The following KDELR2 variants were observed in gnomAD, a reference collection of about 807,000 sequenced individuals.
KDELR2 encodes the protein ER lumen protein-retaining receptor 2.
In KDELR2, 15 loss-of-function variants were observed where a neutral mutation model predicts 23.9. That is an observed-to-expected ratio of 0.63 (90% confidence interval 0.42 to 0.97). The LOEUF is 0.97. Ranked by LOEUF, KDELR2 falls within the 50% of genes least tolerant of loss-of-function variation. The probability of loss-of-function intolerance (pLI) is 0.00; values close to 1 mark genes in which losing one functional copy is unlikely to be tolerated. For synonymous variants in KDELR2, 119 were observed against 106.2 expected (o/e 1.12, Z -0.74); for missense variants, 272 against 254.6 (o/e 1.07, Z -0.46).
chr7:6,472,049 T>G, intron 2 of KDELR2, among the ~76,000 whole-genome samples: 1 of 152,144 alleles, frequency 6.6e-6, no homozygotes. Context: ...TACAGGCGCA[T>G]GCCGCCACAC....
chr7:6,472,012 T>C (rs1785656463), intron 2 of KDELR2, among the ~76,000 whole-genome samples: 1 of 152,114 alleles, frequency 6.6e-6, no homozygotes, highest in Non-Finnish European at 1.5e-5. Context: ...GCAATTCTCC[T>C]GCCTCAGCCT....
chr7:6,466,895 A>G (rs762667793), intron 3 of KDELR2, among the ~76,000 whole-genome samples: 5 of 152,108 alleles, frequency 3.3e-5, no homozygotes, highest in Non-Finnish European at 5.9e-5. Context: ...CTATAAATAC[A>G]ATGAAGCTTC....
chr7:6,466,299 G>C lies in KDELR2; in HGVS notation c.376C>G (p.Leu126Val), dbSNP rs1562498564. The change falls in exon 4 of 5, where the codon CTG (leucine) becomes GTG (valine). Residue 126 changes from leucine (L) to valine (V), a missense_variant. Transcript: ENST00000258739. The part of the protein sequence containing the change: ...LEILWTFSIY[L>V]ESVAILPQLF... ...TGCGGAAGGATAGCCACGGACTCCAGGTAGATGGAGAAGGTCCAGAGGATC... is the reference window on the plus strand; with the variant it reads ...TGCGGAAGGATAGCCACGGACTCCACGTAGATGGAGAAGGTCCAGAGGATC... The C allele has an allele frequency of 6.2e-7, 1 of 1,614,032 alleles. No homozygotes were observed. The highest frequency in any genetic ancestry group is 8.5e-7 in the Non-Finnish European group (1 of 1,180,020).
At position 6,461,140 on chromosome 7, in the gene KDELR2, G is replaced by A. The variant is rs1785379791; in HGVS notation, c.*2001C>T. Reference sequence around the variant, plus strand: ...GAAGTGAAAGTAACTGTGAAACAGTGCTTCATAAGGCGTGGCATACAAGGC... The same window carrying A: ...GAAGTGAAAGTAACTGTGAAACAGTACTTCATAAGGCGTGGCATACAAGGC... On this transcript the variant is annotated 3_prime_UTR_variant, in exon 5 of 5. Transcript: ENST00000258739. 1 of 152,178 alleles carries A rather than the reference G, an allele frequency of 6.6e-6. No homozygotes were observed. Among genetic ancestry groups the A allele is most frequent in the African/African-American group, 2.4e-5 (1 of 41,444 alleles). The allele number at this position is 152,178 out of a possible 1,614,324, so 9.4% of individuals were successfully genotyped here. A position where few individuals can be genotyped will look rare whatever the true frequency, so the allele number is the denominator to read the frequency against.
chr7:6,464,717 T>C (rs186095145), intron 4 of KDELR2, among the ~76,000 whole-genome samples: 1 of 145,546 alleles, frequency 6.9e-6, no homozygotes, highest in Non-Finnish European at 1.5e-5. Flanking sequence ...AGATAAGACA[T>C]ATATGCTCTT....
Position 6,477,710 on chromosome 7 carries a change from G to A in KDELR2, c.92-3426C>T, listed in dbSNP as rs186347567. On this transcript the variant is annotated intron_variant, in intron 1 of 4. Coordinates refer to ENST00000258739, the MANE Select transcript of KDELR2 (RefSeq NM_006854.4). The stretch of plus-strand genomic sequence containing the variant: ...GGGTCTCTCTCTGTAGCCCAGGCTG[G>A]AGTAGACTGGTGCAATCATAGCTTC... 3.4e-3 allele frequency among the ~76,000 whole-genome samples: 521 copies of A among 152,298 alleles called. 1 individual carries two copies. The highest frequency in any genetic ancestry group is 5.5e-3 in the Non-Finnish European group (371 of 68,020).
At chr7:6,483,229 G>C (rs1464971867) in intron 1 of KDELR2, among the ~76,000 whole-genome samples, 1 of 152,182 alleles carries the variant, frequency 6.6e-6, no homozygotes, top group Non-Finnish European at 1.5e-5. Flanking sequence ...GGGCGCCGCA[G>C]TTTTAAGAGA....
chr7:6,462,926 T>C lies in KDELR2; in HGVS notation c.*215A>G. 1.3e-6 allele frequency: 2 copies of C among 1,523,962 alleles called. No individual in the cohort carries two copies. Among genetic ancestry groups the C allele is most frequent in the Admixed American group, 2.1e-5 (1 of 48,022 alleles). 94.4% of individuals were successfully genotyped at this position (1,523,962 alleles called of 1,614,324 possible). A position where few individuals can be genotyped will look rare whatever the true frequency, so the allele number is the denominator to read the frequency against. On this transcript the variant is annotated 3_prime_UTR_variant, in exon 5 of 5. Transcript: ENST00000258739. Reference sequence around the variant, plus strand: ...CATTAAGTTTCTTTGTGTAAAAAAATCTTTGTACACAGTAATAAAAAAAGA... The same window carrying C: ...CATTAAGTTTCTTTGTGTAAAAAAACCTTTGTACACAGTAATAAAAAAAGA...
At chr7:6,471,009 C>A (rs573350153) in intron 2 of KDELR2, among the ~76,000 whole-genome samples, 23 of 151,088 alleles carry the variant, frequency 1.5e-4, no homozygotes, top group Admixed American at 1.5e-3. Context: ...TCCAGCTACT[C>A]AGGAGGCTGA....
At chr7:6,463,520 T>C (rs954425976) in intron 4 of KDELR2, among the ~76,000 whole-genome samples, 5 of 151,740 alleles carry the variant, frequency 3.3e-5, no homozygotes, top group Middle Eastern at 6.3e-3. Flanking sequence ...CCCTTGAAGC[T>C]AGGAGTTCAA....
intron 4 of KDELR2, among the ~76,000 whole-genome samples, chr7:6,464,828 C>T (rs1437160763): frequency 5.7e-4 from 86 of 150,870 alleles, no homozygotes; most frequent in Non-Finnish European, 1.5e-4. Context: ...CTCTGCCTCC[C>T]GGGTTCAAGA....
At chr7:6,478,484 T>G (rs1434517526) in intron 1 of KDELR2, among the ~76,000 whole-genome samples, 2 of 152,184 alleles carry the variant, frequency 1.3e-5, no homozygotes, top group Admixed American at 6.5e-5. Flanking sequence ...CTAAGCATCC[T>G]TTCATGCTTC....
intron 2 of KDELR2, among the ~76,000 whole-genome samples, chr7:6,473,486 G>T (rs1241136288): frequency 6.6e-6 from 1 of 152,148 alleles, no homozygotes; most frequent in East Asian, 1.9e-4. Context: ...TACACAAAGT[G>T]TTAGGTGGTG....
intron 2 of KDELR2, 116 bp from the exon 3 acceptor site, chr7:6,469,870 T>G (rs892367685): frequency 2.2e-6 from 2 of 900,508 alleles, no homozygotes; most frequent in Non-Finnish European, 3.2e-6. Flanking sequence ...TTAGCTTTGT[T>G]TTTGGAATTT....
At position 6,462,790 on chromosome 7, in the gene KDELR2, G is replaced by C. The variant is rs1785415676; in HGVS notation, c.*351C>G. The C allele has an allele frequency of 1.9e-6, 1 of 529,498 alleles. No individual in the cohort carries two copies. The highest frequency in any genetic ancestry group is 1.9e-5 in the African/African-American group (1 of 51,604). 32.8% of individuals were successfully genotyped at this position (529,498 alleles called of 1,614,324 possible). On this transcript the variant is annotated 3_prime_UTR_variant, in exon 5 of 5. Transcript: ENST00000258739. ...TTTCATTGCAGACACAAAGACTTAA[G>C]AGTTTCAAAGAATTTTTTAAAATAA...
chr7:6,474,202 C>G lies in KDELR2; in HGVS notation c.174G>C (p.Leu58Phe). 1 of 1,610,004 alleles carries G rather than the reference C, an allele frequency of 6.2e-7. No individual in the cohort carries two copies. Among genetic ancestry groups the G allele is most frequent in the Non-Finnish European group, 8.5e-7 (1 of 1,176,304 alleles). ...YLDLFTSFIS[L>F]YNTSMKVIYL... ...ACCATACCTTCATAGATGTGTTATA[C>G]AATGAAATAAATGAAGTAAAAAGAT... Residue 58 changes from leucine to phenylalanine, a missense_variant, in exon 2 of 5, where the codon TTG becomes TTC. By Grantham distance (22) the Leu-to-Phe change is conservative. Coordinates refer to ENST00000258739, the MANE Select transcript of KDELR2 (RefSeq NM_006854.4).
intron 3 of KDELR2, among the ~76,000 whole-genome samples, chr7:6,467,290 T>C (rs1785522853): frequency 6.6e-6 from 1 of 152,246 alleles, no homozygotes. Context: ...CCTCACTGAC[T>C]GATCTTGCCA....
At chr7:6,473,715 G>C (rs1252612828) in intron 2 of KDELR2, among the ~76,000 whole-genome samples, 2 of 152,156 alleles carry the variant, frequency 1.3e-5, no homozygotes, top group South Asian at 4.1e-4. Context: ...AACTGACTCA[G>C]TGGCAAAGAA....
At chr7:6,482,784 A>C (rs1340857027) in intron 1 of KDELR2, among the ~76,000 whole-genome samples, 3 of 151,856 alleles carry the variant, frequency 2.0e-5, no homozygotes, top group Non-Finnish European at 4.4e-5. Context: ...TTTTTAAGAA[A>C]GTTAAAGCCT....
Sources: allele counts gnomAD v4.1 joint callset (sites outside exome capture counted in the v4.1 genomes callset), GRCh38; gene constraint gnomAD v4.1.1; transcripts MANE v1.5; gene names NCBI Gene and HGNC (gene_info 2026-07-23, HGNC 2026-07-21).